Variants in MARK1 observed in about 807,000 individuals in gnomAD.
MARK1 encodes serine/threonine-protein kinase MARK1.
MARK1 carries 40 observed loss-of-function variants against 96.3 expected under a neutral mutation model. That is an observed-to-expected ratio of 0.42 (90% CI 0.32 to 0.54). MARK1 has a LOEUF of 0.54. Ranked by LOEUF, MARK1 falls within the 20% of genes least tolerant of loss-of-function variation. The pLI, the probability that MARK1 is intolerant of heterozygous loss-of-function variation, is 0.16. For synonymous variants in MARK1, 317 were observed against 341.2 expected (o/e 0.93, Z 0.78); for missense variants, 719 against 984.6 (o/e 0.73, Z 3.61).
At chr1:220,552,585 A>G (rs181336584) in intron 1 of MARK1, among the ~76,000 whole-genome samples, 2 of 152,306 alleles carry the variant, frequency 1.3e-5, no homozygotes, top group African/African-American at 2.4e-5. Context: ...TTTATTTGCT[A>G]TAAAATGAGT....
chr1:220,659,923 G>A (rs546299533), intron 17 of MARK1, among the ~76,000 whole-genome samples: 15 of 152,112 alleles, frequency 9.9e-5, no homozygotes, highest in Admixed American at 4.6e-4. Flanking sequence ...AAGTAGCTGG[G>A]ATTACAGGCG....
intron 3 of MARK1, among the ~76,000 whole-genome samples, chr1:220,589,799 A>G (rs1480142502): frequency 1.3e-5 from 2 of 152,172 alleles, no homozygotes. Flanking sequence ...TGAGAAAGAA[A>G]AAGAACTGAA....
intron 1 of MARK1, among the ~76,000 whole-genome samples, chr1:220,546,031 C>A (rs1661468164): frequency 1.3e-5 from 2 of 152,184 alleles, no homozygotes; most frequent in African/African-American, 4.8e-5. Flanking sequence ...CACCCCCCAT[C>A]TTTGATGTCT....
chr1:220,641,136 T>C (rs994039068), intron 13 of MARK1, among the ~76,000 whole-genome samples: 1 of 152,180 alleles, frequency 6.6e-6, no homozygotes, highest in African/African-American at 2.4e-5. Flanking sequence ...ACAATAAAAC[T>C]TGTAAAGGTA....
intron 13 of MARK1, among the ~76,000 whole-genome samples, chr1:220,642,579 G>C (rs1205744151): frequency 6.6e-6 from 1 of 152,204 alleles, no homozygotes; most frequent in Non-Finnish European, 1.5e-5. Context: ...CGTTCAGAAT[G>C]AGGGCAATTC....
chr1:220,601,467 T>C (rs536267351), intron 5 of MARK1, among the ~76,000 whole-genome samples: 1 of 152,334 alleles, frequency 6.6e-6, no homozygotes, highest in South Asian at 2.1e-4. Flanking sequence ...ATAAAACTAA[T>C]GAATCTACAG....
At chr1:220,602,394 A>G (rs1046110255) in intron 5 of MARK1, among the ~76,000 whole-genome samples, 4 of 152,168 alleles carry the variant, frequency 2.6e-5, no homozygotes, top group African/African-American at 9.7e-5. Context: ...GGGAATACAT[A>G]AGTGAGCAAA....
chr1:220,660,319 C>T (rs545987530), intron 17 of MARK1, among the ~76,000 whole-genome samples: 9 of 152,266 alleles, frequency 5.9e-5, no homozygotes, highest in African/African-American at 2.2e-4. Flanking sequence ...TATTAATGGT[C>T]TTTGGAAATT....
intron 13 of MARK1, among the ~76,000 whole-genome samples, chr1:220,647,466 A>G (rs1029562501): frequency 6.6e-6 from 1 of 152,230 alleles, no homozygotes; most frequent in African/African-American, 2.4e-5. Flanking sequence ...TAGTTCAACC[A>G]TTGTGGAAGA....
intron 1 of MARK1, among the ~76,000 whole-genome samples, chr1:220,564,191 T>C (rs1466074176): frequency 6.6e-6 from 1 of 152,200 alleles, no homozygotes; most frequent in African/African-American, 2.4e-5. Flanking sequence ...TTGAGGGTTT[T>C]TTGTTTTATG....
chr1:220,603,088 GT>G (rs1463078967), intron 5 of MARK1, among the ~76,000 whole-genome samples: 3 of 151,826 alleles, frequency 2.0e-5, no homozygotes, highest in Admixed American at 1.3e-4. Context: ...TAAAGTCTGA[GT>G]TTTTTTGTTT....
chr1:220,543,564 T>G (rs975907452), intron 1 of MARK1, among the ~76,000 whole-genome samples: 2 of 152,184 alleles, frequency 1.3e-5, no homozygotes, highest in African/African-American at 4.8e-5. Flanking sequence ...AGTTTAGCGT[T>G]GTTCTCTAAT....
chr1:220,656,151 C>CTGTGCTGCA (rs1276152324), intron 16 of MARK1, among the ~76,000 whole-genome samples: 2 of 152,144 alleles, frequency 1.3e-5, no homozygotes, highest in Admixed American at 1.3e-4. Flanking sequence ...GGAGAGCATG[C>CTGTGCTGCA]TGTGCTGCAT....
intron 1 of MARK1, among the ~76,000 whole-genome samples, chr1:220,564,447 T>C (rs1459955380): frequency 4.6e-5 from 7 of 152,198 alleles, no homozygotes; most frequent in Non-Finnish European, 1.0e-4. Flanking sequence ...TTTGGAGACA[T>C]ACAATTAATT....
chr1:220,627,191 G>A, intron 9 of MARK1: 1 of 476,160 alleles, frequency 2.1e-6, no homozygotes, highest in Non-Finnish European at 4.2e-6. Flanking sequence ...GGCGATGAGA[G>A]CGAAGAAGAC....
At chr1:220,563,148 G>A (rs571192824) in intron 1 of MARK1, among the ~76,000 whole-genome samples, 1 of 152,250 alleles carries the variant, frequency 6.6e-6, no homozygotes, top group Admixed American at 6.5e-5. Context: ...ATGAAATAAT[G>A]TATCCCAAAG....
At chr1:220,655,594 G>A (rs911023098) in intron 16 of MARK1, among the ~76,000 whole-genome samples, 1 of 152,038 alleles carries the variant, frequency 6.6e-6, no homozygotes, top group Non-Finnish European at 1.5e-5. Flanking sequence ...AATTTGTGTT[G>A]GCTTTACCTT....
At position 220,581,064 on chromosome 1, in the gene MARK1, G is replaced by A; in HGVS notation, c.256-1G>A. ...AGAGTTTAATGATTCTTCTTTTTTA[G>A]GTTGCTGTGAAAATAATAGACAAAA... On this transcript the variant is annotated splice_acceptor_variant, in intron 2 of 17. Coordinates refer to ENST00000366917, the MANE Select transcript of MARK1 (RefSeq NM_018650.5). LOFTEE classifies it high-confidence loss of function. The A allele has an allele frequency of 7.9e-7, 1 of 1,267,746 alleles. No homozygotes were observed. Among genetic ancestry groups the A allele is most frequent in the East Asian group, 2.7e-5 (1 of 37,032 alleles). 78.5% of individuals were successfully genotyped at this position (1,267,746 alleles called of 1,614,324 possible).
rs185863712 is a variant in MARK1 at position 220,644,381 on chromosome 1, A to G, written c.1471-6239A>G. Among the ~76,000 whole-genome samples the G allele has an allele frequency of 1.2e-4, 18 of 152,082 alleles. No individual in the cohort carries two copies. The East Asian group carries it at 3.5e-3, about 29-fold the overall frequency. On this transcript the variant is annotated intron_variant, in intron 13 of 17. Coordinates refer to ENST00000366917, the MANE Select transcript of MARK1 (RefSeq NM_018650.5). ...ATGAAGAGCTAACTATCCTAAATAT[A>G]CATGCACCCAATATAGAAGGACCCA... is the stretch of plus-strand genomic sequence containing the variant.
Sources: allele counts gnomAD v4.1 joint callset (sites outside exome capture counted in the v4.1 genomes callset), GRCh38; gene constraint gnomAD v4.1.1; transcripts MANE v1.5; gene names NCBI Gene and HGNC (gene_info 2026-07-23, HGNC 2026-07-21).